Variants in ATF6 observed in about 807,000 individuals in gnomAD.
The protein encoded by ATF6 is cyclic AMP-dependent transcription factor ATF-6 alpha.
In ATF6, 53 loss-of-function variants were observed where a neutral mutation model predicts 83.6. The ratio of observed to expected loss-of-function variants is 0.63; its 90% CI spans 0.51 to 0.80. ATF6 has a LOEUF of 0.80. Ranked by LOEUF, ATF6 falls within the 30% of genes least tolerant of loss-of-function variation. The pLI, the probability that ATF6 is intolerant of heterozygous loss-of-function variation, is 0.00. For missense variants in ATF6, 744 were observed against 797.9 expected (o/e 0.93, Z 0.81); for synonymous variants, 288 against 285.8 (o/e 1.01, Z -0.08).
At chr1:161,908,166 G>A (rs1228573894) in intron 14 of ATF6, among the ~76,000 whole-genome samples, 1 of 152,242 alleles carries the variant, frequency 6.6e-6, no homozygotes, top group South Asian at 2.1e-4. Context: ...TTTATAGGGG[G>A]AATGGGAAGG....
At chr1:161,775,170 C>T (rs1013218704) in intron 1 of ATF6, among the ~76,000 whole-genome samples, 1 of 152,170 alleles carries the variant, frequency 6.6e-6, no homozygotes. Context: ...AGTGTAAATA[C>T]TATGCGATGT....
intron 15 of ATF6, among the ~76,000 whole-genome samples, chr1:161,951,199 A>G (rs1372056906): frequency 6.6e-6 from 1 of 152,220 alleles, no homozygotes; most frequent in Non-Finnish European, 1.5e-5. Context: ...CCTTTCAAAG[A>G]GTCATTGTTG....
intron 15 of ATF6, among the ~76,000 whole-genome samples, chr1:161,920,207 C>T (rs1194533958): frequency 6.6e-6 from 1 of 151,386 alleles, no homozygotes; most frequent in Non-Finnish European, 1.5e-5. Flanking sequence ...TAATTGCATC[C>T]AGACAGTTGA....
In ATF6 at chr1:161,958,909, A is replaced by G. The variant is rs1052773050; in HGVS notation, c.*255A>G. 3.0e-6 allele frequency: 1 copy of G among 337,510 alleles called. No homozygotes were observed. The highest frequency in any genetic ancestry group is 5.4e-6 in the Non-Finnish European group (1 of 185,546). 20.9% of individuals were successfully genotyped at this position (337,510 alleles called of 1,614,324 possible). A position where few individuals can be genotyped will look rare whatever the true frequency, so the allele number is the denominator to read the frequency against. Reference sequence around the variant, plus strand: ...ATGTAGCCCTGCATCCTCCAGTGTTACCTGGTGTAGATTTTTTTTTCTGTA... The same window carrying G: ...ATGTAGCCCTGCATCCTCCAGTGTTGCCTGGTGTAGATTTTTTTTTCTGTA... On this transcript the variant is annotated 3_prime_UTR_variant, in exon 16 of 16. Coordinates refer to ENST00000367942, the MANE Select transcript of ATF6 (RefSeq NM_007348.4).
intron 10 of ATF6, among the ~76,000 whole-genome samples, chr1:161,849,459 C>G (rs199600720): frequency 1.3e-5 from 2 of 152,224 alleles, no homozygotes; most frequent in East Asian, 1.9e-4. Context: ...GCCTTCCACT[C>G]TGCCAGAGTT....
chr1:161,833,491 A>C (rs1686127239), intron 9 of ATF6, among the ~76,000 whole-genome samples: 1 of 150,992 alleles, frequency 6.6e-6, no homozygotes, highest in Non-Finnish European at 1.5e-5. Context: ...AATGGCAAAA[A>C]AGTTAAAAAC....
intron 15 of ATF6, among the ~76,000 whole-genome samples, chr1:161,953,019 A>G (rs1368858820): frequency 3.9e-5 from 6 of 152,184 alleles, no homozygotes; most frequent in African/African-American, 1.2e-4. Flanking sequence ...CATCTACAAC[A>G]TAGGAATAAT....
intron 7 of ATF6, among the ~76,000 whole-genome samples, chr1:161,818,100 CAAAAAA>C (rs778851235): frequency 1.3e-5 from 1 of 79,774 alleles, no homozygotes. Context: ...GACTCCATCT[CAAAAAA>C]AAAAAAAAAA....
rs1409872936 is a variant in ATF6 at position 161,959,957 on chromosome 1, G to T, written c.*1303G>T. 6.6e-6 allele frequency: 1 copy of T among 152,106 alleles called. No individual in the cohort carries two copies. Among genetic ancestry groups the T allele is most frequent in the African/African-American group, 2.4e-5 (1 of 41,416 alleles). The allele number at this position is 152,106 out of a possible 1,614,324, so 9.4% of individuals were successfully genotyped here. On this transcript the variant is annotated 3_prime_UTR_variant, in exon 16 of 16. Coordinates refer to ENST00000367942, the MANE Select transcript of ATF6 (RefSeq NM_007348.4). ...TTCACTGAAGAATTGACAAGTATTT[G>T]CTCCTTAAAACAACGCAGATTAGTG... is the stretch of plus-strand genomic sequence containing the variant.
chr1:161,877,634 A>T (rs1044429848), intron 14 of ATF6, among the ~76,000 whole-genome samples: 2 of 152,144 alleles, frequency 1.3e-5, no homozygotes, highest in Non-Finnish European at 2.9e-5. Flanking sequence ...TCTGAGGGCC[A>T]GCAAAGGGAT....
intron 14 of ATF6, among the ~76,000 whole-genome samples, chr1:161,894,521 C>CTTTTTTTTTTTTTTTTTTTTTTT (rs71093131): frequency 2.2e-5 from 1 of 44,866 alleles, no homozygotes; most frequent in African/African-American, 6.6e-5. Context: ...GTTTTGTAGT[C>CTTTTTTTTTTTTTTTTTTTTTTT]TTTTTTTTTT....
chr1:161,803,764 G>T lies in ATF6; in HGVS notation c.909+1492G>T, dbSNP rs140421674. Among the ~76,000 whole-genome samples the T allele has an allele frequency of 2.6e-3, 401 of 152,248 alleles. 1 individual carries two copies. Among genetic ancestry groups the T allele is most frequent in the Non-Finnish European group, 4.4e-3 (297 of 68,000 alleles). On this transcript the variant is annotated intron_variant, in intron 7 of 15. Transcript: ENST00000367942. ...AAAAGTTGTGTGACCAATAAGAAAA[G>T]AGTATGATTTTCATGGGAGACCAAC... is the stretch of plus-strand genomic sequence containing the variant.
intron 10 of ATF6, among the ~76,000 whole-genome samples, chr1:161,846,951 G>C (rs930797958): frequency 6.6e-6 from 1 of 151,814 alleles, no homozygotes; most frequent in African/African-American, 2.4e-5. Context: ...GATATGATAT[G>C]GTGGAATAAC....
intron 15 of ATF6, among the ~76,000 whole-genome samples, chr1:161,921,301 T>C (rs1688208113): frequency 6.6e-6 from 1 of 152,138 alleles, no homozygotes; most frequent in African/African-American, 2.4e-5. Flanking sequence ...ATTAATGAGT[T>C]GAGGAAGTAA....
intron 7 of ATF6, among the ~76,000 whole-genome samples, chr1:161,813,308 T>C (rs912104310): frequency 6.6e-6 from 1 of 152,186 alleles, no homozygotes; most frequent in African/African-American, 2.4e-5. Flanking sequence ...AAATGAAACC[T>C]GTAGCAAAAA....
intron 14 of ATF6, among the ~76,000 whole-genome samples, chr1:161,898,705 G>A (rs969086400): frequency 3.3e-5 from 5 of 152,012 alleles, no homozygotes; most frequent in African/African-American, 4.8e-5. Flanking sequence ...ACGCCACCAC[G>A]CCCAGCTAAT....
intron 14 of ATF6, among the ~76,000 whole-genome samples, chr1:161,893,191 A>T (rs1379271472): frequency 6.7e-6 from 1 of 150,236 alleles, no homozygotes; most frequent in African/African-American, 2.5e-5. Context: ...TTTGAGATGG[A>T]GTTTCGCTCT....
At chr1:161,886,513 T>G (rs745861149) in intron 14 of ATF6, among the ~76,000 whole-genome samples, 60 of 152,222 alleles carry the variant, frequency 3.9e-4, no homozygotes, top group Non-Finnish European at 7.8e-4. Context: ...TAGATGTATA[T>G]CTTTGTTTAT....
At chr1:161,801,616 A>C (rs2101754409) in intron 6 of ATF6, among the ~76,000 whole-genome samples, 1 of 152,110 alleles carries the variant, frequency 6.6e-6, no homozygotes, top group East Asian at 1.9e-4. Flanking sequence ...GTTTATGTTC[A>C]GATATTTTTG....
Sources: gnomAD v4.1 joint callset for allele counts (sites outside exome capture counted in the v4.1 genomes callset) on GRCh38, gnomAD v4.1.1 for gene constraint, MANE v1.5 for transcripts, NCBI Gene and HGNC (gene_info 2026-07-23, HGNC 2026-07-21) for gene names.